Variants in SOX13 observed in about 807,000 individuals in gnomAD.
The protein encoded by SOX13 is SRY-box transcription factor 13, also known as transcription factor SOX-13.
SOX13 carries 28 observed loss-of-function variants against 71.8 expected under a neutral mutation model. That is an observed-to-expected ratio of 0.39 (90% confidence interval 0.29 to 0.53). The LOEUF is 0.53. Among genes scored for constraint, SOX13 ranks in the 20% least tolerant of loss-of-function variants. SOX13 has a pLI of 0.70. For synonymous variants in SOX13, 309 were observed against 317.8 expected, an observed-to-expected ratio of 0.97 and a Z score of 0.29; for missense variants, 627 against 810.3, an observed-to-expected ratio of 0.77 and a Z score of 2.75.
chr1:204,123,880 T>G lies in SOX13; in HGVS notation c.1375+76T>G. On this transcript the variant is annotated intron_variant, in intron 12 of 13. Coordinates refer to ENST00000367204, the MANE Select transcript of SOX13 (RefSeq NM_005686.3). This position sits in a 1 kb window ranked among gnomAD's most constrained non-coding sequence, Gnocchi z 5.0. ...CCAGCTGGGTCTATTCAGGGCTTGC[T>G]TGGTGATATTCCATACTGTGTTGGA... 6.6e-7 allele frequency: 1 copy of G among 1,523,226 alleles called. No homozygotes were observed. The highest frequency in any genetic ancestry group is 1.7e-4 in the Middle Eastern group (1 of 5,858). 94.4% of individuals were successfully genotyped at this position (1,523,226 alleles called of 1,614,324 possible).
At chr1:204,080,060 T>TG (rs1655871414) in intron 1 of SOX13, among the ~76,000 whole-genome samples, 1 of 151,970 alleles carries the variant, frequency 6.6e-6, no homozygotes. Flanking sequence ...GGAGCGGAAT[T>TG]TGTGTGGCAT....
intron 1 of SOX13, among the ~76,000 whole-genome samples, chr1:204,088,005 C>T (rs1656060201): frequency 6.6e-6 from 1 of 152,232 alleles, no homozygotes; most frequent in African/African-American, 2.4e-5. Context: ...TGACAGCCCA[C>T]ACTGGGATCT....
Position 204,114,439 on chromosome 1 carries a change from T to C in SOX13, c.331+7T>C. On this transcript the variant is annotated splice_region_variant and intron_variant, in intron 3 of 13. Transcript: ENST00000367204. The stretch of plus-strand genomic sequence containing the variant: ...AACCGAAATTTGAAAGAAGGTAGGA[T>C]GTCTGCCCTAGTTAGAAGCAGAGGC... 5 of 1,610,102 alleles carry C rather than the reference T, an allele frequency of 3.1e-6. No homozygotes were observed. The highest frequency in any genetic ancestry group is 2.5e-6 in the Non-Finnish European group (3 of 1,176,492).
intron 1 of SOX13, among the ~76,000 whole-genome samples, chr1:204,111,174 C>T (rs1656573384): frequency 6.6e-6 from 1 of 152,208 alleles, no homozygotes; most frequent in South Asian, 2.1e-4. Flanking sequence ...CAACAAAACA[C>T]CAGATCGGTG....
chr1:204,095,887 G>A (rs1354344183), intron 1 of SOX13, among the ~76,000 whole-genome samples: 1 of 152,124 alleles, frequency 6.6e-6, no homozygotes, highest in East Asian at 1.9e-4. Flanking sequence ...GAATTTAGCT[G>A]TTCTAAGTAC....
Position 204,126,314 on chromosome 1 carries a change from A to T in SOX13, c.*180A>T, listed in dbSNP as rs1436719060. On this transcript the variant is annotated 3_prime_UTR_variant, in exon 14 of 14. Coordinates refer to ENST00000367204, the MANE Select transcript of SOX13 (RefSeq NM_005686.3). ...GGAGAGGCGCCCTCCCTTCCTGAGG[A>T]GCTGTTGGCCTGGGTGGGCAGGAAC... 8.6e-6 allele frequency: 6 copies of T among 694,508 alleles called. No homozygotes were observed. Among genetic ancestry groups the T allele is most frequent in the Non-Finnish European group, 1.4e-5 (6 of 418,388 alleles). 43.0% of individuals were successfully genotyped at this position (694,508 alleles called of 1,614,324 possible). A position where few individuals can be genotyped will look rare whatever the true frequency, so the allele number is the denominator to read the frequency against.
intron 1 of SOX13, among the ~76,000 whole-genome samples, chr1:204,112,332 T>G (rs1656594390): frequency 6.6e-6 from 1 of 151,798 alleles, no homozygotes; most frequent in Non-Finnish European, 1.5e-5. Flanking sequence ...TTCCAGCTAC[T>G]CGGGAGGCTG....
At chr1:204,082,508 C>T (rs1168010520) in intron 1 of SOX13, among the ~76,000 whole-genome samples, 1 of 152,186 alleles carries the variant, frequency 6.6e-6, no homozygotes, top group Admixed American at 6.5e-5. Flanking sequence ...GGGCTATCAC[C>T]CCCTTCCCTC....
intron 1 of SOX13, among the ~76,000 whole-genome samples, chr1:204,080,333 C>T (rs1447379201): frequency 6.6e-6 from 1 of 152,186 alleles, no homozygotes; most frequent in East Asian, 1.9e-4. Flanking sequence ...ACATTGTCCC[C>T]CTGTGTCTTC....
chr1:204,117,556 G>A (rs761067750), intron 6 of SOX13, 37 bp from the exon 7 acceptor site: 9 of 1,384,280 alleles, frequency 6.5e-6, no homozygotes, highest in Admixed American at 5.6e-5. Context: ...AGCTCTTTGG[G>A]TCCCTGGGGA....
chr1:204,089,356 A>G (rs1656093214), intron 1 of SOX13, among the ~76,000 whole-genome samples: 2 of 152,204 alleles, frequency 1.3e-5, no homozygotes, highest in Non-Finnish European at 2.9e-5. Context: ...GCGAGCCCAG[A>G]CAGCCCTGGG....
At position 204,121,799 on chromosome 1, in the gene SOX13, G is replaced by C. The variant is rs533745523; in HGVS notation, c.776-101G>C. The C allele has an allele frequency of 3.6e-6, 3 of 824,564 alleles. No homozygotes were observed. In the African/African-American group the frequency reaches 5.0e-5, roughly 14 times the overall value. 51.1% of individuals were successfully genotyped at this position (824,564 alleles called of 1,614,324 possible). ...GTGGTTGGAACCAAGCTGGTCCAGT[G>C]CCGAGCCATTGCCCATCTTGTGGTG... On this transcript the variant is annotated intron_variant, in intron 7 of 13. Coordinates refer to ENST00000367204, the MANE Select transcript of SOX13 (RefSeq NM_005686.3).
intron 1 of SOX13, among the ~76,000 whole-genome samples, chr1:204,080,646 C>T (rs1011861303): frequency 5.3e-5 from 8 of 152,214 alleles, no homozygotes; most frequent in African/African-American, 1.9e-4. Context: ...CCGCCCCTCC[C>T]ATCCCCCAAC....
chr1:204,086,000 G>A (rs2102226574), intron 1 of SOX13, among the ~76,000 whole-genome samples: 1 of 152,092 alleles, frequency 6.6e-6, no homozygotes, highest in African/African-American at 2.4e-5. Flanking sequence ...AAAGAATGTA[G>A]GAAGTGCCTT....
chr1:204,114,041 G>C (rs1194232165), intron 2 of SOX13, among the ~76,000 whole-genome samples: 4 of 152,222 alleles, frequency 2.6e-5, no homozygotes, highest in Non-Finnish European at 5.9e-5. Flanking sequence ...TTTCAAAAGA[G>C]GGAAGTCAGG....
chr1:204,115,989 T>C, intron 4 of SOX13: 2 of 321,056 alleles, frequency 6.2e-6, no homozygotes, highest in East Asian at 8.9e-5. Flanking sequence ...TTATCCCTCA[T>C]AGTAACCCTC....
intron 7 of SOX13, 24 bp downstream of exon 7, chr1:204,117,731 A>G (rs751298991): frequency 3.3e-6 from 5 of 1,522,474 alleles, no homozygotes; most frequent in South Asian, 2.3e-5. Flanking sequence ...GGGAGGTTCC[A>G]CCACTGCGGC....
chr1:204,082,665 C>G (rs1203639678), intron 1 of SOX13, among the ~76,000 whole-genome samples: 1 of 152,106 alleles, frequency 6.6e-6, no homozygotes, highest in Non-Finnish European at 1.5e-5. Flanking sequence ...GGTGGGCTCC[C>G]TAACTGGGGC....
intron 1 of SOX13, among the ~76,000 whole-genome samples, chr1:204,102,963 C>T (rs895266406): frequency 3.3e-5 from 5 of 152,244 alleles, no homozygotes; most frequent in African/African-American, 9.6e-5. Flanking sequence ...CACCTGCCTC[C>T]GGAAGAGCTG....
Sources: gnomAD v4.1 joint callset for allele counts (sites outside exome capture counted in the v4.1 genomes callset) on GRCh38, gnomAD v4.1.1 for gene constraint, Gnocchi (gnomAD v3.1) non-coding constraint, MANE v1.5 for transcripts, NCBI Gene and HGNC (gene_info 2026-07-23, HGNC 2026-07-21) for gene names.